CARD19: variants seen among roughly 807,000 people sequenced by gnomAD.
CARD19 encodes caspase recruitment domain family member 19, also known as caspase recruitment domain-containing protein 19.
CARD19 carries 25 observed loss-of-function variants against 24.1 expected under a neutral mutation model. The ratio of observed to expected loss-of-function variants is 1.04; its 90% confidence interval spans 0.76 to 1.45. The LOEUF is 1.45. Ranked by LOEUF, CARD19 falls within the 40% of genes most tolerant of loss-of-function variation. The pLI is 0.00. For missense variants in CARD19, 241 were observed against 247.4 expected (o/e 0.97, Z 0.17); for synonymous variants, 103 against 104.9 (o/e 0.98, Z 0.11).
At chr9:93,098,806 C>T (rs1189105562) in intron 1 of CARD19, among the ~76,000 whole-genome samples, 1 of 151,702 alleles carries the variant, frequency 6.6e-6, no homozygotes, top group African/African-American at 2.4e-5. Context: ...GCCTGGTTAG[C>T]GGCTTGCAGG....
In CARD19 at chr9:93,111,904, C is replaced by T. The variant is rs1184243331; in HGVS notation, c.330C>T (p.Asp110=). 1.9e-6 allele frequency: 3 copies of T among 1,611,962 alleles called. No homozygotes were observed. Among genetic ancestry groups the T allele is most frequent in the South Asian group, 2.2e-5 (2 of 90,942 alleles). The change falls in exon 4 of 6, where the codon GAC becomes GAT. Residue 110 remains aspartate, a synonymous_variant. Transcript: ENST00000375464. ...AGAACTCAGATTGCACAGAGCTAGA[C>T]TCGGGCAGCCAGAGCGGCGAGCTGA... is the stretch of plus-strand genomic sequence containing the variant. ...ALQNSDCTEL[D]SGSQSGELSN...
At chr9:93,101,316 C>T (rs1253306198) in intron 1 of CARD19, among the ~76,000 whole-genome samples, 7 of 152,236 alleles carry the variant, frequency 4.6e-5, no homozygotes, top group African/African-American at 1.4e-4. Context: ...TGACCCCAAG[C>T]GATCTGCCCA....
intron 2 of CARD19, 159 bp downstream of exon 2, chr9:93,107,975 G>C: frequency 1.0e-6 from 1 of 998,200 alleles, no homozygotes; most frequent in South Asian, 1.6e-5. Context: ...GGCTACTAAG[G>C]CTGCCTGAGC....
Position 93,107,656 on chromosome 9 carries a change from C to G in CARD19, c.8-18C>G, listed in dbSNP as rs1223035088. ...CCTTGGGCTGTGCTGGCTCATGACC[C>G]TGTGCTATCTGTTTTAGATCAGACC... On this transcript the variant is annotated intron_variant, in intron 1 of 5. Transcript: ENST00000375464. The G allele has an allele frequency of 6.2e-7, 1 of 1,614,092 alleles. No individual in the cohort carries two copies. Among genetic ancestry groups the G allele is most frequent in the South Asian group, 1.1e-5 (1 of 91,086 alleles).
Position 93,113,062 on chromosome 9 carries a change from C to T in CARD19, c.507C>T (p.Ser169=), listed in dbSNP as rs1430779326. The stretch of plus-strand genomic sequence containing the variant: ...CTGTCATCATCGACAGACATGTCAG[C>T]CGCTACCTGCTGGCCTTCCTGGCAG... ...FSPVIIDRHV[S]RYLLAFLADD... The change falls in exon 6 of 6, where the codon AGC becomes AGT. Residue 169 remains serine (S), a synonymous_variant. Coordinates refer to ENST00000375464, the MANE Select transcript of CARD19 (RefSeq NM_032310.5). 1.2e-6 allele frequency: 2 copies of T among 1,602,052 alleles called. No individual in the cohort carries two copies. The highest frequency in any genetic ancestry group is 1.3e-5 in the African/African-American group (1 of 74,818).
At chr9:93,102,609 A>G (rs975325153) in intron 1 of CARD19, among the ~76,000 whole-genome samples, 8 of 149,314 alleles carry the variant, frequency 5.4e-5, no homozygotes, top group East Asian at 1.9e-4. Flanking sequence ...TTTTTACACT[A>G]AGTTTGGAAA....
chr9:93,107,875 C>A, intron 2 of CARD19, 59 bp downstream of exon 2: 1 of 1,601,936 alleles, frequency 6.2e-7, no homozygotes, highest in Non-Finnish European at 8.5e-7. Context: ...CCTTTCTGGG[C>A]TGGGAGAAGC....
intron 1 of CARD19, among the ~76,000 whole-genome samples, chr9:93,102,510 T>C (rs531116852): frequency 2.0e-5 from 3 of 152,334 alleles, no homozygotes; most frequent in South Asian, 2.1e-4. Flanking sequence ...TAATTAAAAA[T>C]AGGGTTTAAT....
intron 1 of CARD19, among the ~76,000 whole-genome samples, chr9:93,100,495 A>C (rs918131559): frequency 2.0e-5 from 3 of 152,198 alleles, no homozygotes; most frequent in African/African-American, 7.2e-5. Flanking sequence ...TTTAGCACTG[A>C]ATAATATTCG....
chr9:93,105,453 G>T (rs1264720134), intron 1 of CARD19, among the ~76,000 whole-genome samples: 1 of 152,066 alleles, frequency 6.6e-6, no homozygotes, highest in African/African-American at 2.4e-5. Context: ...GCTAAGTTTT[G>T]TATTTTTAGT....
rs1564208364 is a variant in CARD19, at chr9:93,105,185, CGT to C, written c.8-2479_8-2478del. Among the ~76,000 whole-genome samples the C allele has an allele frequency of 2.9e-4, 24 of 82,306 alleles. 1 individual carries two copies. The highest frequency in any genetic ancestry group is 2.6e-3 in the East Asian group (8 of 3,134). The allele number at this position is 82,306 out of a possible 152,430, so 54.0% of individuals were successfully genotyped here. A position where few individuals can be genotyped will look rare whatever the true frequency, so the allele number is the denominator to read the frequency against. ...AGGTGTGTGTGTGTGTGTGCACGCG[CGT>C]GTGTGTGTGCGTGTGTGTGTGTGTG... is the stretch of plus-strand genomic sequence containing the variant. On this transcript the variant is annotated intron_variant, in intron 1 of 5. Transcript: ENST00000375464.
intron 1 of CARD19, among the ~76,000 whole-genome samples, chr9:93,098,177 T>C (rs1282180489): frequency 6.6e-6 from 1 of 151,870 alleles, no homozygotes. Flanking sequence ...AGAGAAGGGG[T>C]TTCCTGGAAG....
intron 1 of CARD19, among the ~76,000 whole-genome samples, chr9:93,097,606 T>TG: frequency 6.6e-6 from 1 of 152,186 alleles, no homozygotes. Context: ...TTCATCAGAA[T>TG]GCGTGGGACA....
chr9:93,105,189 TGTGTGTGC>T (rs1480221976), intron 1 of CARD19, among the ~76,000 whole-genome samples: 75 of 26,550 alleles, frequency 2.8e-3, no homozygotes, highest in African/African-American at 8.6e-3. Flanking sequence ...CACGCGCGTG[TGTGTGTGC>T]GTGTGTGTGT....
chr9:93,110,748 T>G, intron 3 of CARD19, 27 bp downstream of exon 3: 1 of 1,599,898 alleles, frequency 6.3e-7, no homozygotes, highest in Non-Finnish European at 8.5e-7. Context: ...CAACCATGCA[T>G]GCTTGGTGCT....
intron 4 of CARD19, 139 bp downstream of exon 4, chr9:93,112,077 C>A: frequency 9.1e-7 from 1 of 1,104,618 alleles, no homozygotes; most frequent in South Asian, 1.4e-5. Context: ...GGTGACAGAC[C>A]CCCCCCCTAA....
At chr9:93,109,847 C>A (rs1388884665) in intron 2 of CARD19, 1 of 152,268 alleles carries the variant, frequency 6.6e-6, no homozygotes, top group Non-Finnish European at 1.5e-5. Context: ...ACCATCACTT[C>A]ATTAATTCCC....
intron 1 of CARD19, among the ~76,000 whole-genome samples, chr9:93,102,795 G>A (rs1193577285): frequency 3.3e-5 from 5 of 151,942 alleles, no homozygotes; most frequent in Admixed American, 3.3e-4. Context: ...GATTGCTCTG[G>A]GTAGTGCTTG....
intron 1 of CARD19, among the ~76,000 whole-genome samples, chr9:93,101,749 T>C (rs1347587906): frequency 6.6e-6 from 1 of 152,020 alleles, no homozygotes; most frequent in African/African-American, 2.4e-5. Flanking sequence ...CACAGGATAA[T>C]TCTATGTTTA....
Sources: allele counts gnomAD v4.1 joint callset (sites outside exome capture counted in the v4.1 genomes callset), GRCh38; gene constraint gnomAD v4.1.1; transcripts MANE v1.5; gene names NCBI Gene and HGNC (gene_info 2026-07-23, HGNC 2026-07-21).